The following MRM1 variants were observed in gnomAD, a reference collection of about 807,000 sequenced individuals.
MRM1 encodes the protein mitochondrial rRNA methyltransferase 1.
MRM1 carries 24 observed loss-of-function variants against 25.0 expected under a neutral mutation model. The ratio of observed to expected loss-of-function variants is 0.96; its 90% CI spans 0.69 to 1.35. The LOEUF is 1.35. Ranked by LOEUF, MRM1 falls within the 40% of genes most tolerant of loss-of-function variation. The pLI is 0.00. For missense variants in MRM1, 431 were observed against 464.1 expected (o/e 0.93, Z 0.65); for synonymous variants, 188 against 199.2 (o/e 0.94, Z 0.47).
chr17:36,627,737 C>T, the MRM1 span, among the ~76,000 whole-genome samples: 1 of 131,460 alleles, frequency 7.6e-6, no homozygotes, highest in Non-Finnish European at 1.5e-5. Context: ...TGCAGTGGTG[C>T]AATCTTGGCT....
chr17:36,627,775 G>A, the MRM1 span, among the ~76,000 whole-genome samples: 3 of 141,660 alleles, frequency 2.1e-5, no homozygotes, highest in Non-Finnish European at 4.5e-5. Flanking sequence ...CTGGATTCAA[G>A]CAATTCTCCT....
the MRM1 span, among the ~76,000 whole-genome samples, chr17:36,629,114 C>T: frequency 2.6e-5 from 4 of 152,178 alleles, no homozygotes; most frequent in South Asian, 2.1e-4. Context: ...AAATTATGGC[C>T]GATTTAGAAA....
chr17:36,613,272 C>CACCACCACT (rs1316683105), downstream of MRM1, among the ~76,000 whole-genome samples: 2 of 152,150 alleles, frequency 1.3e-5, no homozygotes, highest in Admixed American at 6.5e-5. Context: ...CATACACACA[C>CACCACCACT]ACCACCACTA....
downstream of MRM1, among the ~76,000 whole-genome samples, chr17:36,612,012 G>A (rs573958900): frequency 5.3e-5 from 8 of 152,134 alleles, no homozygotes; most frequent in South Asian, 4.1e-4. Flanking sequence ...GAATGTAGGC[G>A]TCCCAGTGCT....
chr17:36,603,361 C>G (rs1029625372), intron 2 of MRM1: 10 of 205,952 alleles, frequency 4.9e-5, no homozygotes, highest in Non-Finnish European at 6.0e-5. Context: ...CCAGTATATC[C>G]AAAATAATAT....
the MRM1 span, among the ~76,000 whole-genome samples, chr17:36,628,281 C>A: frequency 6.6e-6 from 1 of 152,234 alleles, no homozygotes; most frequent in Non-Finnish European, 1.5e-5. Context: ...AGCCACTGCA[C>A]CTGGCCAAAA....
the MRM1 span, among the ~76,000 whole-genome samples, chr17:36,626,997 A>C: frequency 6.6e-6 from 1 of 152,236 alleles, no homozygotes; most frequent in Non-Finnish European, 1.5e-5. Context: ...ATCTGCGGAC[A>C]GTCTGAGCCA....
chr17:36,607,082 T>C (rs973060825), intron 2 of MRM1, among the ~76,000 whole-genome samples: 3 of 151,758 alleles, frequency 2.0e-5, no homozygotes, highest in Non-Finnish European at 4.4e-5. Flanking sequence ...GCCCGGCTAA[T>C]TTTGTATTTT....
chr17:36,629,376 C>T, the MRM1 span, among the ~76,000 whole-genome samples: 1 of 152,146 alleles, frequency 6.6e-6, no homozygotes, highest in Non-Finnish European at 1.5e-5. Flanking sequence ...CTTCTGCACC[C>T]GGCCACCCCC....
chr17:36,602,310 A>C lies in MRM1; in HGVS notation c.500A>C (p.His167Pro). 6.3e-7 allele frequency: 1 copy of C among 1,586,824 alleles called. No homozygotes were observed. Among genetic ancestry groups the C allele is most frequent in the Non-Finnish European group, 8.6e-7 (1 of 1,162,016 alleles). The change falls in exon 1 of 5, where the codon CAC becomes CCC. Residue 167 changes from histidine (H) to proline (P), a missense_variant. By Grantham distance (77) the His-to-Pro change is moderately conservative. Transcript: ENST00000614766. This position sits in a 1 kb window ranked among gnomAD's most constrained non-coding sequence, Gnocchi z 4.1. ...RNFGAVLRSA[H>P]FLGVDKVITS... is the part of the protein sequence containing the mutation. ...TTTGGGGCTGTGCTGCGTTCCGCACACTTCCTCGGAGTGGATAAGGTCATC... is the reference window on the plus strand; with the variant it reads ...TTTGGGGCTGTGCTGCGTTCCGCACCCTTCCTCGGAGTGGATAAGGTCATC...
intron 2 of MRM1, among the ~76,000 whole-genome samples, chr17:36,607,243 G>A (rs763883646): frequency 1.1e-4 from 17 of 152,150 alleles, no homozygotes; most frequent in Non-Finnish European, 2.4e-4. Flanking sequence ...CTGACCTCAG[G>A]TAATCTGCCT....
intron 2 of MRM1, among the ~76,000 whole-genome samples, chr17:36,607,378 T>C (rs2074939234): frequency 1.3e-5 from 2 of 151,714 alleles, no homozygotes; most frequent in Admixed American, 6.6e-5. Context: ...CCTAGCACTC[T>C]GGGAGGCCAA....
the MRM1 span, among the ~76,000 whole-genome samples, chr17:36,628,743 T>G: frequency 6.6e-6 from 1 of 152,174 alleles, no homozygotes; most frequent in Non-Finnish European, 1.5e-5. Context: ...AAACTTGTTA[T>G]TTCACACAAT....
In MRM1 at chr17:36,602,826, G is replaced by A; in HGVS notation, c.636+180G>A. 2.6e-6 allele frequency: 2 copies of A among 757,384 alleles called. No individual in the cohort carries two copies. Among genetic ancestry groups the A allele is most frequent in the African/African-American group, 1.9e-5 (1 of 52,724 alleles). The allele number at this position is 757,384 out of a possible 1,614,324, so 46.9% of individuals were successfully genotyped here. On this transcript the variant is annotated intron_variant, in intron 2 of 4. Transcript: ENST00000614766. The surrounding 1 kb of genome is among the most constrained non-coding windows in gnomAD (Gnocchi z 4.1). ...TTTTAAAACGGCAAATGGAGCATTA[G>A]CTGAATTCTTCCTAGCGTTATACCC... is the stretch of plus-strand genomic sequence containing the variant.
At chr17:36,606,626 CAG>C (rs1383452670) in intron 2 of MRM1, among the ~76,000 whole-genome samples, 1 of 142,850 alleles carries the variant, frequency 7.0e-6, no homozygotes, top group African/African-American at 2.7e-5. Flanking sequence ...TTTTTTGAGA[CAG>C]AGTGGAGTCT....
In MRM1 at chr17:36,601,935, A is replaced by C; in HGVS notation, c.125A>C (p.Asp42Ala). Residue 42 changes from aspartate to alanine, a missense_variant, in exon 1 of 5, where the codon GAC becomes GCC. Transcript: ENST00000614766. ...GEELSRLLLD[D>A]LVPTSRLELL... is the part of the protein sequence containing the mutation. ...GAGCTAAGCCGCTTGCTGCTGGATG[A>C]CCTGGTGCCGACCTCTCGGCTGGAG... The C allele has an allele frequency of 6.2e-7, 1 of 1,612,884 alleles. No individual in the cohort carries two copies. Among genetic ancestry groups the C allele is most frequent in the Non-Finnish European group, 8.5e-7 (1 of 1,179,826 alleles).
Position 36,601,803 on chromosome 17 carries a change from G to C in MRM1, c.-8G>C, listed in dbSNP as rs2074869751. 6.5e-7 allele frequency: 1 copy of C among 1,529,132 alleles called. No homozygotes were observed. Among genetic ancestry groups the C allele is most frequent in the Non-Finnish European group, 8.8e-7 (1 of 1,140,228 alleles). The allele number at this position is 1,529,132 out of a possible 1,614,324, so 94.7% of individuals were successfully genotyped here. On this transcript the variant is annotated 5_prime_UTR_variant, in exon 1 of 5. Transcript: ENST00000614766. ...AAGGGGCATCGAGTCCCTGGCGGGA[G>C]CTGCGCCATGGCATTGCTCTCGACC...
At chr17:36,621,769 G>T in the MRM1 span, among the ~76,000 whole-genome samples, 1 of 152,082 alleles carries the variant, frequency 6.6e-6, no homozygotes, top group Non-Finnish European at 1.5e-5. Flanking sequence ...AGGGCAAGGG[G>T]GCCCCCAGCC....
At chr17:36,605,964 C>A (rs537483920) in intron 2 of MRM1, among the ~76,000 whole-genome samples, 1 of 152,224 alleles carries the variant, frequency 6.6e-6, no homozygotes, top group African/African-American at 2.4e-5. Flanking sequence ...TGCTCAAAAC[C>A]TTTCAAAGCC....
Sources: gnomAD v4.1 joint callset for allele counts (sites outside exome capture counted in the v4.1 genomes callset) on GRCh38, gnomAD v4.1.1 for gene constraint, Gnocchi (gnomAD v3.1) non-coding constraint, MANE v1.5 for transcripts, NCBI Gene and HGNC (gene_info 2026-07-23, HGNC 2026-07-21) for gene names.